Variants in XIAP observed in about 807,000 individuals in gnomAD.
The protein encoded by XIAP is X-linked inhibitor of apoptosis.
In XIAP, 3 loss-of-function variants were observed where a neutral mutation model predicts 33.1. The observed-to-expected ratio is 0.09, with a 90% CI of 0.04 to 0.23. The LOEUF (loss-of-function observed/expected upper bound fraction) is 0.23. Ranked by LOEUF, XIAP falls within the 10% of genes least tolerant of loss-of-function variation. XIAP has a pLI of 1.00. For missense variants in XIAP, 264 were observed against 363.0 expected (o/e 0.73, Z 2.22); for synonymous variants, 98 against 121.3 (o/e 0.81, Z 1.26).
At chrX:123,899,291 T>TTG (rs2053496090) in intron 5 of XIAP, among the ~76,000 whole-genome samples, 2 of 100,448 alleles carry the variant, frequency 2.0e-5, no homozygotes, top group Admixed American at 2.3e-4. Context: ...ATATATGATT[T>TTG]TGTATATATA....
At chrX:123,880,728 A>C (rs1272063052) in intron 1 of XIAP, among the ~76,000 whole-genome samples, 16 of 86,660 alleles carry the variant, frequency 1.8e-4, no homozygotes, top group Admixed American at 2.7e-4. Flanking sequence ...TAAGAGCAAA[A>C]CTCTGTTTCA....
chrX:123,888,612 T>C lies in XIAP; in HGVS notation c.878-7T>C, dbSNP rs2053375519. ...ACAAATACATATATTCCTGTGTGTT[T>C]TCGTAGGTGAAGGTGATAAAGTAAA... On this transcript the variant is annotated splice_polypyrimidine_tract_variant and splice_region_variant and intron_variant, in intron 2 of 6. Coordinates refer to ENST00000371199, the MANE Select transcript of XIAP (RefSeq NM_001167.4). The C allele has an allele frequency of 1.7e-6, 2 of 1,206,601 alleles. No individual in the cohort carries two copies. The highest frequency in any genetic ancestry group is 2.2e-6 in the Non-Finnish European group (2 of 891,025).
chrX:123,893,477 G>A (rs766276610), intron 5 of XIAP, among the ~76,000 whole-genome samples: 24 of 110,870 alleles, frequency 2.2e-4, no homozygotes, highest in Middle Eastern at 4.6e-3. Flanking sequence ...GCAGTGAGCC[G>A]AGATCATGCC....
chrX:123,894,834 C>T (rs923625566), intron 5 of XIAP, among the ~76,000 whole-genome samples: 5 of 109,666 alleles, frequency 4.6e-5, no homozygotes, highest in Non-Finnish European at 7.6e-5. Context: ...GTTCCAGCTA[C>T]TTGGGAGGCT....
rs774028156 is a variant in XIAP, at chrX:123,892,565, A to G, written c.1057-166A>G. Among the ~76,000 whole-genome samples, 11 of 111,163 alleles carry G rather than the reference A, an allele frequency of 9.9e-5. No individual in the cohort carries two copies. The South Asian group carries it at 1.1e-3, about 11-fold the overall frequency. On this transcript the variant is annotated intron_variant, in intron 4 of 6. Coordinates refer to ENST00000371199, the MANE Select transcript of XIAP (RefSeq NM_001167.4). ...TGAAGGGATTAGATTAGATAATCTT[A>G]TGACTTCCTTCTAGCTCCATCAGGC...
chrX:123,902,975 A>C (rs1466115992), intron 6 of XIAP, among the ~76,000 whole-genome samples: 1 of 110,693 alleles, frequency 9.0e-6, no homozygotes, highest in Non-Finnish European at 1.9e-5. Context: ...GTAGAGAAGT[A>C]TGTAGAATCC....
intron 2 of XIAP, among the ~76,000 whole-genome samples, chrX:123,888,197 T>C (rs187269287): frequency 6.5e-4 from 71 of 109,592 alleles, no homozygotes; most frequent in Non-Finnish European, 1.2e-3. Context: ...TAGCCGGGTG[T>C]GGTGGCGCAT....
Position 123,907,167 on chromosome X carries a change from A to T in XIAP, c.1480A>T (p.Ile494Phe). The stretch of plus-strand genomic sequence containing the variant: ...CACAGTCATTACTTTCAAGCAAAAA[A>T]TTTTTATGTCTTAATCTAACTCTAT... Reference protein sequence around the residue: ...CYTVITFKQKIFMS With the variant: ...CYTVITFKQKFFMS The change falls in exon 7 of 7, where the codon ATT becomes TTT. Residue 494 changes from isoleucine to phenylalanine, a missense_variant. Transcript: ENST00000371199. 2.5e-6 allele frequency: 3 copies of T among 1,208,286 alleles called. No homozygotes were observed. The highest frequency in any genetic ancestry group is 3.4e-6 in the Non-Finnish European group (3 of 892,563).
At chrX:123,859,787 G>T, upstream of XIAP, 1 of 222,948 alleles carries the variant, frequency 4.5e-6, no homozygotes, top group South Asian at 4.7e-5. Flanking sequence ...GGGGGTGGGG[G>T]TAGGGGTTGC....
chrX:123,872,426 G>A (rs921316405), intron 1 of XIAP, among the ~76,000 whole-genome samples: 2 of 108,327 alleles, frequency 1.8e-5, no homozygotes, highest in African/African-American at 6.8e-5. Context: ...GGTGGCTCAC[G>A]CCTGTAATCC....
Position 123,910,014 on chromosome X carries a change from A to G in XIAP, c.*2833A>G, listed in dbSNP as rs1292899967. 1.2e-5 allele frequency: 4 copies of G among 327,788 alleles called. No individual in the cohort carries two copies. The highest frequency in any genetic ancestry group is 2.4e-5 in the Non-Finnish European group (4 of 169,760). 27.0% of individuals were successfully genotyped at this position (327,788 alleles called of 1,213,427 possible). A position where few individuals can be genotyped will look rare whatever the true frequency, so the allele number is the denominator to read the frequency against. ...TACATGTAGACTATTCCTTTTCTGT[A>G]TAAAGTTCACTCTAGGATTTCAAGT... On this transcript the variant is annotated 3_prime_UTR_variant, in exon 7 of 7. Transcript: ENST00000371199.
At chrX:123,875,811 G>A (rs760350144) in intron 1 of XIAP, among the ~76,000 whole-genome samples, 1 of 109,710 alleles carries the variant, frequency 9.1e-6, no homozygotes, top group Admixed American at 9.8e-5. Flanking sequence ...TCAGCCTCCC[G>A]AGTAGCTGGG....
rs766102484 is a variant in XIAP, at chrX:123,910,888, T to G, written c.*3707T>G. 1.8e-4 allele frequency: 51 copies of G among 283,524 alleles called. No homozygotes were observed. The highest frequency in any genetic ancestry group is 4.0e-4 in the African/African-American group (13 of 32,421). 23.4% of individuals were successfully genotyped at this position (283,524 alleles called of 1,213,427 possible). A position where few individuals can be genotyped will look rare whatever the true frequency, so the allele number is the denominator to read the frequency against. On this transcript the variant is annotated 3_prime_UTR_variant, in exon 7 of 7. Coordinates refer to ENST00000371199, the MANE Select transcript of XIAP (RefSeq NM_001167.4). The stretch of plus-strand genomic sequence containing the variant: ...GTCTCAAAAAAAAAAAAAAAAGAAA[T>G]AAGAAAATGGGAAGCAATATTTGAC...
chrX:123,909,893 A>C lies in XIAP; in HGVS notation c.*2712A>C, dbSNP rs1326827413. On this transcript the variant is annotated 3_prime_UTR_variant, in exon 7 of 7. Coordinates refer to ENST00000371199, the MANE Select transcript of XIAP (RefSeq NM_001167.4). ...GTGTTTGAACTATAAAAAGCACCGG[A>C]TCTTTTCCATCTAATTCCGCAAAAA... 1 of 328,044 alleles carries C rather than the reference A, an allele frequency of 3.0e-6. No individual in the cohort carries two copies. The highest frequency in any genetic ancestry group is 5.9e-6 in the Non-Finnish European group (1 of 169,801). The allele number at this position is 328,044 out of a possible 1,213,427, so 27.0% of individuals were successfully genotyped here.
At chrX:123,877,097 GCT>G (rs1435204190) in intron 1 of XIAP, among the ~76,000 whole-genome samples, 1 of 101,693 alleles carries the variant, frequency 9.8e-6, no homozygotes, top group Non-Finnish European at 2.0e-5. Flanking sequence ...ACAGAGTTTT[GCT>G]CTGTCACCCA....
chrX:123,895,152 C>T (rs772545640), intron 5 of XIAP, among the ~76,000 whole-genome samples: 2 of 111,163 alleles, frequency 1.8e-5, no homozygotes, highest in African/African-American at 3.3e-5. Flanking sequence ...CCACCCTACC[C>T]CTAGGCCAGG....
At chrX:123,878,959 CT>C (rs2053271869) in intron 1 of XIAP, 1 of 115,100 alleles carries the variant, frequency 8.7e-6, no homozygotes, top group Non-Finnish European at 1.8e-5. Context: ...GGTTGCTGGT[CT>C]CACTGTTAGG....
At position 123,907,569 on chromosome X, in the gene XIAP, G is replaced by C. The variant is rs1465794766; in HGVS notation, c.*388G>C. ...TTTCTGTATATAAATGTGGAGATTA[G>C]AGTTAATCTCCCCAATCACATAATT... On this transcript the variant is annotated 3_prime_UTR_variant, in exon 7 of 7. Coordinates refer to ENST00000371199, the MANE Select transcript of XIAP (RefSeq NM_001167.4). 5.3e-6 allele frequency: 2 copies of C among 380,790 alleles called. No homozygotes were observed. Among genetic ancestry groups the C allele is most frequent in the Admixed American group, 3.0e-5 (1 of 32,986 alleles). The allele number at this position is 380,790 out of a possible 1,213,427, so 31.4% of individuals were successfully genotyped here.
rs2053418096 is a variant in XIAP at position 123,892,618 on chromosome X, G to T, written c.1057-113G>T. Reference sequence around the variant, plus strand: ...TGCCTCTTGTGAATATTCATATATTGAATTGGAATAAAGCCAATTTATTTT... The same window carrying T: ...TGCCTCTTGTGAATATTCATATATTTAATTGGAATAAAGCCAATTTATTTT... On this transcript the variant is annotated intron_variant, in intron 4 of 6. Coordinates refer to ENST00000371199, the MANE Select transcript of XIAP (RefSeq NM_001167.4). 8 of 609,788 alleles carry T rather than the reference G, an allele frequency of 1.3e-5. No homozygotes were observed. The South Asian group carries it at 2.0e-4, about 15-fold the overall frequency. 50.3% of individuals were successfully genotyped at this position (609,788 alleles called of 1,213,427 possible). A position where few individuals can be genotyped will look rare whatever the true frequency, so the allele number is the denominator to read the frequency against.
Sources: allele counts gnomAD v4.1 joint callset (sites outside exome capture counted in the v4.1 genomes callset), GRCh38; gene constraint gnomAD v4.1.1; transcripts MANE v1.5; gene names NCBI Gene and HGNC (gene_info 2026-07-23, HGNC 2026-07-21).